The following BCL10 variants were observed in gnomAD, a reference collection of about 807,000 sequenced individuals.
BCL10 encodes the protein BCL10 immune signaling adaptor, also known as B-cell lymphoma/leukemia 10.
Under a neutral mutation model 19.2 loss-of-function variants are expected in BCL10, and 5 were observed. That is an observed-to-expected ratio of 0.26 (90% CI 0.14 to 0.55). BCL10 has a LOEUF of 0.55. BCL10 is among the 20% of genes least tolerant of loss of function. BCL10 has a pLI of 0.94. For missense variants in BCL10, 201 were observed against 271.9 expected (o/e 0.74, Z 1.83); for synonymous variants, 110 against 98.8 (o/e 1.11, Z -0.67).
intron 1 of BCL10, among the ~76,000 whole-genome samples, chr1:85,272,369 A>G (rs1006655144): frequency 6.6e-6 from 1 of 151,330 alleles, no homozygotes; most frequent in Admixed American, 6.6e-5. Flanking sequence ...AGCTAGGACT[A>G]CAGGTGTGAG....
intron 1 of BCL10, among the ~76,000 whole-genome samples, chr1:85,271,126 A>G (rs1417802995): frequency 1.2e-4 from 19 of 152,144 alleles, no homozygotes; most frequent in Admixed American, 1.2e-3. Flanking sequence ...CCTAAAAACC[A>G]AGACCAGGCT....
In BCL10 at chr1:85,276,467, G is replaced by C; in HGVS notation, c.-115C>G. ...GGGGAAGAAGGAGAGGAGGCGGAGC[G>C]GGTCGGGAGAAAGACGGCCGCCCCT... is the stretch of plus-strand genomic sequence containing the variant. On this transcript the variant is annotated 5_prime_UTR_variant, in exon 1 of 3. Coordinates refer to ENST00000648566, the MANE Select transcript of BCL10 (RefSeq NM_003921.5). 2.4e-6 allele frequency: 3 copies of C among 1,254,766 alleles called. No homozygotes were observed. The highest frequency in any genetic ancestry group is 3.4e-6 in the Non-Finnish European group (3 of 876,078). 77.7% of individuals were successfully genotyped at this position (1,254,766 alleles called of 1,614,324 possible).
At chr1:85,273,787 T>C (rs1382569570) in intron 1 of BCL10, among the ~76,000 whole-genome samples, 1 of 152,254 alleles carries the variant, frequency 6.6e-6, no homozygotes, top group African/African-American at 2.4e-5. Flanking sequence ...GCCTGCTCAC[T>C]GGCTTCCCTG....
chr1:85,275,385 G>T (rs1247044241), intron 1 of BCL10, among the ~76,000 whole-genome samples: 2 of 152,170 alleles, frequency 1.3e-5, no homozygotes, highest in Non-Finnish European at 2.9e-5. Context: ...CACACCAATT[G>T]TGAGTACAGT....
At chr1:85,272,990 C>G (rs1225338351) in intron 1 of BCL10, among the ~76,000 whole-genome samples, 2 of 152,212 alleles carry the variant, frequency 1.3e-5, no homozygotes, top group Non-Finnish European at 2.9e-5. Flanking sequence ...TGTCTCTCTA[C>G]ATTTCCTTAC....
At position 85,267,873 on chromosome 1, in the gene BCL10, G is replaced by C; in HGVS notation, c.456C>G (p.Val152=). The change falls in exon 3 of 3, where the codon GTC becomes GTG. Residue 152 remains valine (V), a synonymous_variant. Coordinates refer to ENST00000648566, the MANE Select transcript of BCL10 (RefSeq NM_003921.5). The stretch of plus-strand genomic sequence containing the variant: ...TGGATTCTCCTTCTGGATGGTACAT[G>C]ACAGTGGATGCCCTCAGTTTTTCAG... The part of the protein sequence containing the change: ...NFSEKLRAST[V]MYHPEGESST... 6.2e-7 allele frequency: 1 copy of C among 1,613,950 alleles called. No homozygotes were observed. The highest frequency in any genetic ancestry group is 1.3e-5 in the African/African-American group (1 of 74,956).
Position 85,267,405 on chromosome 1 carries a change from A to G in BCL10, c.*222T>C, listed in dbSNP as rs1190507588. On this transcript the variant is annotated 3_prime_UTR_variant, in exon 3 of 3. Transcript: ENST00000648566. ...AAAGTACTGAAAGACCTTAAAAAGG[A>G]AAAAAAGAAATTACTAAAAAGTACA... The G allele has an allele frequency of 2.3e-6, 1 of 439,818 alleles. No homozygotes were observed. The highest frequency in any genetic ancestry group is 4.0e-6 in the Non-Finnish European group (1 of 252,286). 27.2% of individuals were successfully genotyped at this position (439,818 alleles called of 1,614,324 possible).
At chr1:85,272,943 C>A (rs894475641) in intron 1 of BCL10, among the ~76,000 whole-genome samples, 1 of 152,180 alleles carries the variant, frequency 6.6e-6, no homozygotes, top group South Asian at 2.1e-4. Context: ...CTATCACTAC[C>A]TTTGTCCTGA....
At chr1:85,268,014 A>AAGTAACTAAAAAAATG (rs762834577) in intron 2 of BCL10, 32 bp from the exon 3 acceptor site, 168 of 1,401,800 alleles carry the variant, frequency 1.2e-4, no homozygotes, top group Non-Finnish European at 1.6e-4. Context: ...GTAAATGAAA[A>AAGTAACTAAAAAAATG]AGTAACTAAA....
rs1660535766 is a variant in BCL10 at position 85,276,448 on chromosome 1, G to C, written c.-96C>G. 4.3e-6 allele frequency: 6 copies of C among 1,400,758 alleles called. No individual in the cohort carries two copies. Among genetic ancestry groups the C allele is most frequent in the Non-Finnish European group, 6.0e-6 (6 of 994,054 alleles). 86.8% of individuals were successfully genotyped at this position (1,400,758 alleles called of 1,614,324 possible). On this transcript the variant is annotated 5_prime_UTR_variant, in exon 1 of 3. Coordinates refer to ENST00000648566, the MANE Select transcript of BCL10 (RefSeq NM_003921.5). ...GCTTCGGCCTCCGGGTAATGGGGAA[G>C]AAGGAGAGGAGGCGGAGCGGGTCGG...
chr1:85,266,626 C>T lies in BCL10; in HGVS notation c.*1001G>A. 5.6e-6 allele frequency: 1 copy of T among 179,296 alleles called. No individual in the cohort carries two copies. Among genetic ancestry groups the T allele is most frequent in the East Asian group, 9.1e-5 (1 of 10,958 alleles). The allele number at this position is 179,296 out of a possible 1,614,324, so 11.1% of individuals were successfully genotyped here. A position where few individuals can be genotyped will look rare whatever the true frequency, so the allele number is the denominator to read the frequency against. On this transcript the variant is annotated 3_prime_UTR_variant, in exon 3 of 3. Transcript: ENST00000648566. ...GTGGCTCGTGTCTGTAATCCCAGCACTTTGGGAGGCCACGCTGGGTAGGTT... is the reference window on the plus strand; with the variant it reads ...GTGGCTCGTGTCTGTAATCCCAGCATTTTGGGAGGCCACGCTGGGTAGGTT...
chr1:85,270,964 GTGAC>G, intron 1 of BCL10, 58 bp from the exon 2 acceptor site: 1 of 1,513,316 alleles, frequency 6.6e-7, no homozygotes, highest in Non-Finnish European at 9.0e-7. Context: ...AATCACATAC[GTGAC>G]TATTAGTTGG....
intron 1 of BCL10, 108 bp downstream of exon 1, chr1:85,276,188 C>T: frequency 7.0e-7 from 1 of 1,431,018 alleles, no homozygotes; most frequent in Non-Finnish European, 9.8e-7. Context: ...CTTTCCGCTC[C>T]TCCGACCTGG....
At chr1:85,270,973 A>G in intron 1 of BCL10, 67 bp from the exon 2 acceptor site, 3 of 1,480,940 alleles carry the variant, frequency 2.0e-6, no homozygotes, top group Non-Finnish European at 2.8e-6. Flanking sequence ...CGTGACTATT[A>G]GTTGGCAGTC....
chr1:85,270,559 G>A (rs1557786719), intron 2 of BCL10, 59 bp downstream of exon 2: 2 of 1,500,904 alleles, frequency 1.3e-6, no homozygotes, highest in East Asian at 4.6e-5. Context: ...GGCCTGCTCT[G>A]CATTTTTTAA....
chr1:85,267,360 TA>T lies in BCL10; in HGVS notation c.*266del, dbSNP rs1427155353. 2 of 357,290 alleles carry T rather than the reference TA, an allele frequency of 5.6e-6. No homozygotes were observed. Among genetic ancestry groups the T allele is most frequent in the African/African-American group, 4.2e-5 (2 of 47,622 alleles). The allele number at this position is 357,290 out of a possible 1,614,324, so 22.1% of individuals were successfully genotyped here. A position where few individuals can be genotyped will look rare whatever the true frequency, so the allele number is the denominator to read the frequency against. On this transcript the variant is annotated 3_prime_UTR_variant, in exon 3 of 3. Coordinates refer to ENST00000648566, the MANE Select transcript of BCL10 (RefSeq NM_003921.5). The stretch of plus-strand genomic sequence containing the variant: ...ATATATTCCCTATTAAAATCAGTCT[TA>T]AAATAGAAAATATTTAAAAAAGTAC...
chr1:85,276,280 C>A lies in BCL10; in HGVS notation c.57+16G>T. On this transcript the variant is annotated intron_variant, in intron 1 of 2. Transcript: ENST00000648566. ...AGCCCGCCCCCGCCCGCCCTGGGCA[C>A]AGCTGCGTTACTCACGTCCTTCTTC... 1 of 1,612,674 alleles carries A rather than the reference C, an allele frequency of 6.2e-7. No homozygotes were observed. The highest frequency in any genetic ancestry group is 8.5e-7 in the Non-Finnish European group (1 of 1,178,866).
intron 2 of BCL10, among the ~76,000 whole-genome samples, chr1:85,270,329 G>C (rs1434517957): frequency 1.3e-5 from 2 of 152,228 alleles, no homozygotes; most frequent in Non-Finnish European, 2.9e-5. Context: ...CTGGAGTGCA[G>C]TAGCACAATC....
In BCL10 at chr1:85,275,572, C is replaced by T. The variant is rs557509597; in HGVS notation, c.57+724G>A. Among the ~76,000 whole-genome samples, 106 of 152,094 alleles carry T rather than the reference C, an allele frequency of 7.0e-4. 1 individual carries two copies. The highest frequency in any genetic ancestry group is 1.3e-3 in the Non-Finnish European group (91 of 68,016). On this transcript the variant is annotated intron_variant, in intron 1 of 2. Coordinates refer to ENST00000648566, the MANE Select transcript of BCL10 (RefSeq NM_003921.5). ...CTTCAGATAAAGTATTTTAGTGATA[C>T]TCATATAGGTCTCATCTGACAAAAC...
Sources: gnomAD v4.1 joint callset for allele counts (sites outside exome capture counted in the v4.1 genomes callset) on GRCh38, gnomAD v4.1.1 for gene constraint, MANE v1.5 for transcripts, NCBI Gene and HGNC (gene_info 2026-07-23, HGNC 2026-07-21) for gene names.